MIB1: variants seen among roughly 807,000 people sequenced by gnomAD.
MIB1 encodes the protein E3 ubiquitin-protein ligase MIB1.
Under a neutral mutation model 124.5 loss-of-function variants are expected in MIB1, and 278 were observed. The observed-to-expected ratio is 2.23, with a 90% CI of 2.02 to 2.47. The LOEUF is 2.47. Among genes scored for constraint, MIB1 ranks in the 30% most tolerant of loss-of-function variants. MIB1 has a pLI of 0.00. For missense variants in MIB1, 957 were observed against 1,254.4 expected (o/e 0.76, Z 3.58); for synonymous variants, 446 against 429.4 (o/e 1.04, Z -0.48).
In MIB1 at chr18:21,713,868, G is replaced by T. The variant is rs1452574498; in HGVS notation, n.167+8745G>T. Among the ~76,000 whole-genome samples, 9 of 151,712 alleles carry T rather than the reference G, an allele frequency of 5.9e-5. No homozygotes were observed. The East Asian group carries it at 1.6e-3, about 26-fold the overall frequency. Reference sequence around the variant, plus strand: ...CCCTCCTCGGCCTCCCAAAGTGCTGGGATGACAGGTGTGAGCCAGCACACC... The same window carrying T: ...CCCTCCTCGGCCTCCCAAAGTGCTGTGATGACAGGTGTGAGCCAGCACACC... On this transcript the variant is annotated intron_variant and non_coding_transcript_variant, in intron 1 of 20. Transcript: ENST00000578646.
chr18:21,766,750 TGA>T (rs1343532659), intron 2 of MIB1, among the ~76,000 whole-genome samples: 1 of 151,768 alleles, frequency 6.6e-6, no homozygotes, highest in Non-Finnish European at 1.5e-5. Context: ...ACTGTAAAAA[TGA>T]ATAAGGCTGG....
intron 11 of MIB1, chr18:21,817,755 C>T: frequency 2.5e-6 from 1 of 404,634 alleles, no homozygotes; most frequent in South Asian, 1.8e-5. Flanking sequence ...CTGGTGTTTG[C>T]ACTTTCATAT....
At chr18:21,852,601 A>G (rs2042189662) in intron 17 of MIB1, among the ~76,000 whole-genome samples, 1 of 152,210 alleles carries the variant, frequency 6.6e-6, no homozygotes, top group African/African-American at 2.4e-5. Context: ...GAAAAAGAAT[A>G]GCCCAAAGCT....
intron 1 of MIB1, among the ~76,000 whole-genome samples, chr18:21,724,858 C>T (rs1422639094): frequency 7.2e-6 from 1 of 138,960 alleles, no homozygotes; most frequent in African/African-American, 2.7e-5. Context: ...TTTGGGAGAC[C>T]GAGGCGGGCG....
intron 10 of MIB1, among the ~76,000 whole-genome samples, chr18:21,807,845 T>C (rs915627901): frequency 2.6e-5 from 4 of 152,224 alleles, no homozygotes; most frequent in Non-Finnish European, 5.9e-5. Context: ...TTTTTTATCA[T>C]TGGAAATATT....
chr18:21,801,787 C>T (rs1240402525), intron 9 of MIB1, among the ~76,000 whole-genome samples: 1 of 152,086 alleles, frequency 6.6e-6, no homozygotes, highest in Non-Finnish European at 1.5e-5. Flanking sequence ...TCATTTTCAT[C>T]TTCTGGGAGA....
chr18:21,761,864 C>G (rs1034985770), intron 1 of MIB1, among the ~76,000 whole-genome samples: 2 of 152,118 alleles, frequency 1.3e-5, no homozygotes, highest in Non-Finnish European at 1.5e-5. Flanking sequence ...GAAAGTCTTT[C>G]TAAGCACGAA....
intron 18 of MIB1, among the ~76,000 whole-genome samples, chr18:21,856,048 G>A (rs941622425): frequency 1.3e-5 from 2 of 151,430 alleles, no homozygotes; most frequent in African/African-American, 2.4e-5. Context: ...GGCTAACAAG[G>A]TGAAACCCCG....
At chr18:21,710,795 A>G (rs79344938) in intron 1 of MIB1, among the ~76,000 whole-genome samples, 4,801 of 151,872 alleles carry the variant, frequency 0.032, 285 homozygotes, top group African/African-American at 0.11. Context: ...AACACAAAAA[A>G]GATAGATATG....
At chr18:21,706,449 T>G (rs2040631237) in intron 1 of MIB1, among the ~76,000 whole-genome samples, 1 of 152,116 alleles carries the variant, frequency 6.6e-6, no homozygotes, top group Non-Finnish European at 1.5e-5. Flanking sequence ...TGCTGCACTG[T>G]GGGAGCCCCT....
At chr18:21,805,656 A>C (rs1202728000) in intron 10 of MIB1, among the ~76,000 whole-genome samples, 2 of 152,228 alleles carry the variant, frequency 1.3e-5, no homozygotes, top group South Asian at 2.1e-4. Context: ...TGAAAAACCA[A>C]AGTCCTTCTG....
rs186629061 is a variant in MIB1, at chr18:21,753,901, C to T, written c.230-11871C>T. Among the ~76,000 whole-genome samples the T allele has an allele frequency of 2.7e-3, 406 of 152,280 alleles. 2 individuals carry two copies. Among genetic ancestry groups the T allele is most frequent in the African/African-American group, 8.7e-3 (362 of 41,558 alleles). On this transcript the variant is annotated intron_variant, in intron 1 of 20. Coordinates refer to ENST00000261537, the MANE Select transcript of MIB1 (RefSeq NM_020774.4). Reference sequence around the variant, plus strand: ...CCATGTTGACCAGGCTGGTCTTGAACTCCTGACCTCAGGTGATCCACCTGC... The same window carrying T: ...CCATGTTGACCAGGCTGGTCTTGAATTCCTGACCTCAGGTGATCCACCTGC...
At chr18:21,732,399 A>AAG (rs1034624877) in intron 1 of MIB1, among the ~76,000 whole-genome samples, 27 of 122,162 alleles carry the variant, frequency 2.2e-4, no homozygotes, top group Admixed American at 3.3e-4. Context: ...CACACAGAGC[A>AAG]AGAGAGAGAG....
At chr18:21,713,257 C>T (rs1437586027) in intron 1 of MIB1, among the ~76,000 whole-genome samples, 1 of 143,974 alleles carries the variant, frequency 6.9e-6, no homozygotes, top group Non-Finnish European at 1.5e-5. Context: ...CCCTGAGCCA[C>T]CAAGCCCATC....
At chr18:21,772,444 C>G (rs1443490219) in intron 3 of MIB1, among the ~76,000 whole-genome samples, 1 of 152,052 alleles carries the variant, frequency 6.6e-6, no homozygotes, top group East Asian at 1.9e-4. Context: ...AATCTGAAAC[C>G]TGAAATACTC....
chr18:21,846,131 C>T (rs574548435), intron 15 of MIB1, among the ~76,000 whole-genome samples: 97 of 152,166 alleles, frequency 6.4e-4, no homozygotes, highest in South Asian at 4.1e-4. Flanking sequence ...CTTGTTTTTT[C>T]GAAGTTATTT....
intron 20 of MIB1, among the ~76,000 whole-genome samples, chr18:21,859,886 CAAAAAAAAAAAAA>C (rs934260189): frequency 2.8e-4 from 8 of 28,416 alleles, no homozygotes; most frequent in East Asian, 1.4e-3. Context: ...GAGACTGTCT[CAAAAAAAAAAAAA>C]AAAAAAAAAA....
chr18:21,738,811 A>C (rs2040807850), upstream of MIB1, among the ~76,000 whole-genome samples: 18 of 8,296 alleles, frequency 2.2e-3, no homozygotes, highest in South Asian at 4.1e-3. Flanking sequence ...CATCTCAAAA[A>C]AAAAAAAAAA....
intron 16 of MIB1, among the ~76,000 whole-genome samples, chr18:21,848,667 C>CT (rs2042155667): frequency 2.6e-5 from 4 of 152,206 alleles, no homozygotes; most frequent in African/African-American, 9.6e-5. Context: ...CGGATGCAGT[C>CT]TATCTTTCTG....
Sources: gnomAD v4.1 joint callset for allele counts (sites outside exome capture counted in the v4.1 genomes callset) on GRCh38, gnomAD v4.1.1 for gene constraint, MANE v1.5 for transcripts, NCBI Gene and HGNC (gene_info 2026-07-23, HGNC 2026-07-21) for gene names.